Variants in TK2 observed in about 807,000 individuals in gnomAD.
TK2 encodes thymidine kinase 2.
TK2 carries 35 observed loss-of-function variants against 41.9 expected under a neutral mutation model. The observed-to-expected ratio is 0.84, with a 90% confidence interval of 0.64 to 1.11. TK2 has a LOEUF of 1.11. Among genes scored for constraint, TK2 ranks in the 50% least tolerant of loss-of-function variants. TK2 has a pLI of 0.00. For missense variants in TK2, 320 were observed against 351.1 expected (o/e 0.91, Z 0.71); for synonymous variants, 128 against 129.1 (o/e 0.99, Z 0.06).
At chr16:66,518,400 C>T (rs761411628) in intron 6 of TK2, among the ~76,000 whole-genome samples, 15 of 152,062 alleles carry the variant, frequency 9.9e-5, no homozygotes, top group Non-Finnish European at 2.1e-4. Flanking sequence ...GGTGGTGGCG[C>T]ATGCCTATGG....
intron 6 of TK2, chr16:66,518,253 G>C: frequency 3.1e-6 from 1 of 321,094 alleles, no homozygotes; most frequent in Non-Finnish European, 6.1e-6. Flanking sequence ...GTGGACCAGG[G>C]TGGTGGCTTA....
Position 66,517,668 on chromosome 16 carries a change from G to A in TK2, c.538+121C>T. ...AGGGAGAAAGCTGAACTCCCATGGG[G>A]AAGGAACTGCCAAGGGCAAGTGCCT... On this transcript the variant is annotated intron_variant, in intron 7 of 9. Transcript: ENST00000544898. This position sits in a 1 kb window ranked among gnomAD's most constrained non-coding sequence, Gnocchi z 4.3. 3.4e-6 allele frequency: 3 copies of A among 882,722 alleles called. No individual in the cohort carries two copies. In the South Asian group the frequency reaches 4.0e-5, roughly 12 times the overall value. 54.7% of individuals were successfully genotyped at this position (882,722 alleles called of 1,614,324 possible).
At position 66,550,085 on chromosome 16, in the gene TK2, C is replaced by A. The variant is rs776726325; in HGVS notation, c.-24G>T. 1 of 1,601,558 alleles carries A rather than the reference C, an allele frequency of 6.2e-7. No individual in the cohort carries two copies. Among genetic ancestry groups the A allele is most frequent in the Non-Finnish European group, 8.5e-7 (1 of 1,175,432 alleles). On this transcript the variant is annotated 5_prime_UTR_variant, in exon 1 of 10. Coordinates refer to ENST00000544898, the MANE Select transcript of TK2 (RefSeq NM_004614.5). ...ATAGCCGGGCGAGCGGATCCAGAGG[C>A]CCGGGGTTCCTTCTTGTGCGAGTCG...
chr16:66,511,943 A>T lies in TK2; in HGVS notation c.*25T>A. The T allele has an allele frequency of 6.2e-7, 1 of 1,609,002 alleles. No individual in the cohort carries two copies. The highest frequency in any genetic ancestry group is 8.5e-7 in the Non-Finnish European group (1 of 1,175,366). Reference sequence around the variant, plus strand: ...CTTGGCAGCAGCAGGCATTTTTCAGACATGAGCCATAGACCTTTTGCCTCC... The same window carrying T: ...CTTGGCAGCAGCAGGCATTTTTCAGTCATGAGCCATAGACCTTTTGCCTCC... On this transcript the variant is annotated 3_prime_UTR_variant, in exon 10 of 10. Coordinates refer to ENST00000544898, the MANE Select transcript of TK2 (RefSeq NM_004614.5).
chr16:66,534,593 A>G (rs1965219772), intron 4 of TK2, among the ~76,000 whole-genome samples: 1 of 152,228 alleles, frequency 6.6e-6, no homozygotes, highest in South Asian at 2.1e-4. Context: ...CATGCCAAGC[A>G]TGGTCCCATC....
chr16:66,535,276 ACT>A (rs1200728665), intron 4 of TK2, among the ~76,000 whole-genome samples: 3 of 152,124 alleles, frequency 2.0e-5, no homozygotes, highest in African/African-American at 7.2e-5. Flanking sequence ...TTATTAGGAA[ACT>A]CTCATTGAAA....
In TK2 at chr16:66,526,808, T is replaced by C. The variant is rs139882434; in HGVS notation, c.449+2186A>G. On this transcript the variant is annotated intron_variant, in intron 6 of 9. Coordinates refer to ENST00000544898, the MANE Select transcript of TK2 (RefSeq NM_004614.5). ...CCCACACAGAACAGGCCAAGCTGAA[T>C]GTGATTAAAAGACAGACACAGCCCC... 2.0e-4 allele frequency among the ~76,000 whole-genome samples: 31 copies of C among 152,214 alleles called. No individual in the cohort carries two copies. The East Asian group carries it at 4.6e-3, about 23-fold the overall frequency.
In TK2 at chr16:66,514,860, C is replaced by A. The variant is rs1964563256; in HGVS notation, c.619-1049G>T. On this transcript the variant is annotated intron_variant, in intron 8 of 9. Coordinates refer to ENST00000544898, the MANE Select transcript of TK2 (RefSeq NM_004614.5). This position sits in a 1 kb window ranked among gnomAD's most constrained non-coding sequence, Gnocchi z 4.2. The stretch of plus-strand genomic sequence containing the variant: ...GCCTTGGGATGCTGTTAGTCTATAA[C>A]CTTACCCCCAACCCCGTGCTCTCTG... Among the ~76,000 whole-genome samples the A allele has an allele frequency of 6.6e-6, 1 of 152,128 alleles. No individual in the cohort carries two copies. Among genetic ancestry groups the A allele is most frequent in the Non-Finnish European group, 1.5e-5 (1 of 68,018 alleles).
chr16:66,509,164 T>C lies in TK2; in HGVS notation c.*2804A>G, dbSNP rs1197428154. On this transcript the variant is annotated 3_prime_UTR_variant, in exon 10 of 10. Coordinates refer to ENST00000544898, the MANE Select transcript of TK2 (RefSeq NM_004614.5). ...CTTAGTTATGCCTTGGAAAGGGACA[T>C]TACCAGCATCTGGATTAAAGAGTGG... The C allele has an allele frequency of 6.6e-6, 1 of 152,242 alleles. No individual in the cohort carries two copies. The highest frequency in any genetic ancestry group is 1.5e-5 in the Non-Finnish European group (1 of 68,088). 9.4% of individuals were successfully genotyped at this position (152,242 alleles called of 1,614,324 possible).
chr16:66,512,709 G>T (rs1001190352), intron 9 of TK2, among the ~76,000 whole-genome samples: 1 of 152,204 alleles, frequency 6.6e-6, no homozygotes, highest in Non-Finnish European at 1.5e-5. Flanking sequence ...TTTGAACCCA[G>T]GAGGCAGAGG....
chr16:66,541,148 C>G (rs1965444901), intron 3 of TK2, among the ~76,000 whole-genome samples: 2 of 152,144 alleles, frequency 1.3e-5, no homozygotes, highest in Admixed American at 6.5e-5. Flanking sequence ...ATATATGAAA[C>G]ATAAATGAAT....
chr16:66,519,426 G>A (rs1229093000), intron 6 of TK2, among the ~76,000 whole-genome samples: 17 of 152,210 alleles, frequency 1.1e-4, no homozygotes, highest in Non-Finnish European at 2.2e-4. Context: ...TGATCCACCC[G>A]CCTCGGCCTC....
intron 4 of TK2, 100 bp from the exon 5 acceptor site, chr16:66,531,569 G>T: frequency 8.8e-7 from 1 of 1,135,212 alleles, no homozygotes; most frequent in Non-Finnish European, 1.3e-6. Flanking sequence ...ACCTACACAG[G>T]CAGGGTTGGG....
intron 6 of TK2, among the ~76,000 whole-genome samples, chr16:66,523,727 G>T (rs1257899907): frequency 6.6e-6 from 1 of 152,202 alleles, no homozygotes; most frequent in African/African-American, 2.4e-5. Flanking sequence ...TACTCGGGAG[G>T]CTGAGGCAGG....
chr16:66,514,906 A>C lies in TK2; in HGVS notation c.619-1095T>G, dbSNP rs1017360916. Among the ~76,000 whole-genome samples the C allele has an allele frequency of 6.6e-6, 1 of 152,184 alleles. No individual in the cohort carries two copies. Among genetic ancestry groups the C allele is most frequent in the Non-Finnish European group, 1.5e-5 (1 of 68,032 alleles). On this transcript the variant is annotated intron_variant, in intron 8 of 9. Coordinates refer to ENST00000544898, the MANE Select transcript of TK2 (RefSeq NM_004614.5). This position sits in a 1 kb window ranked among gnomAD's most constrained non-coding sequence, Gnocchi z 4.2. ...CTCTGAAACGTGTGCTGTGTCCACT[A>C]AGGGTTAAATGGATTAAGGGCGATG... is the stretch of plus-strand genomic sequence containing the variant.
chr16:66,549,638 G>C (rs1238075055), intron 1 of TK2: 2 of 1,187,426 alleles, frequency 1.7e-6, no homozygotes, highest in Admixed American at 4.5e-5. Context: ...AAGGTCGAAA[G>C]AATCGGGACA....
rs560034103 is a variant in TK2 at position 66,540,327 on chromosome 16, C to A, written c.231+1552G>T. The stretch of plus-strand genomic sequence containing the variant: ...AGCTGGGACTACAGGCATGTGCCAC[C>A]ACATCCAGCTAAGTTTTGTATTTTT... On this transcript the variant is annotated intron_variant, in intron 3 of 9. Coordinates refer to ENST00000544898, the MANE Select transcript of TK2 (RefSeq NM_004614.5). Among the ~76,000 whole-genome samples the A allele has an allele frequency of 4.6e-5, 7 of 152,114 alleles. No homozygotes were observed. In the South Asian group the frequency reaches 1.5e-3, roughly 32 times the overall value.
chr16:66,545,061 TCCAGTCTGGGTGACAGAGTGAGAC>T (rs1233573624), intron 2 of TK2, among the ~76,000 whole-genome samples: 1 of 140,584 alleles, frequency 7.1e-6, no homozygotes, highest in African/African-American at 2.7e-5. Flanking sequence ...ACCACTGCAC[TCCAGTCTGGGTGACAGAGTGAGAC>T]CCTGTCTTCA....
intron 6 of TK2, among the ~76,000 whole-genome samples, chr16:66,522,478 C>A (rs1225099338): frequency 6.6e-6 from 1 of 152,218 alleles, no homozygotes; most frequent in African/African-American, 2.4e-5. Flanking sequence ...TCCCATTACT[C>A]GGCCCACACA....
Sources: allele counts gnomAD v4.1 joint callset (sites outside exome capture counted in the v4.1 genomes callset), GRCh38; gene constraint gnomAD v4.1.1; non-coding constraint Gnocchi (gnomAD v3.1); transcripts MANE v1.5; gene names NCBI Gene and HGNC (gene_info 2026-07-23, HGNC 2026-07-21).